The following ADGRL3 variants were observed in gnomAD, a reference collection of about 807,000 sequenced individuals.
ADGRL3 encodes adhesion G protein-coupled receptor L3.
In ADGRL3, 62 loss-of-function variants were observed where a neutral mutation model predicts 153.5. The ratio of observed to expected loss-of-function variants is 0.40; its 90% CI spans 0.33 to 0.50. The LOEUF (loss-of-function observed/expected upper bound fraction) is 0.50. Among genes scored for constraint, ADGRL3 ranks in the 20% least tolerant of loss-of-function variants. ADGRL3 has a pLI of 0.47. For synonymous variants in ADGRL3, 710 were observed against 672.5 expected, an observed-to-expected ratio of 1.06 and a Z score of -0.86; for missense variants, 1,641 against 1,859.4, an observed-to-expected ratio of 0.88 and a Z score of 2.16.
intron 5 of ADGRL3, among the ~76,000 whole-genome samples, chr4:61,651,594 G>GTTTTGT (rs1311490881): frequency 9.2e-5 from 14 of 151,556 alleles, no homozygotes; most frequent in Admixed American, 9.2e-4. Flanking sequence ...TTGTGTGTTT[G>GTTTTGT]TTTTGTTTTT....
intron 4 of ADGRL3, among the ~76,000 whole-genome samples, chr4:61,556,857 G>GT (rs1456776686): frequency 6.6e-6 from 1 of 152,118 alleles, no homozygotes. Flanking sequence ...TTTTTACAGT[G>GT]TGTTAACACA....
At chr4:61,326,703 GGAAAATTTAA>G (rs1389465435) in intron 1 of ADGRL3, among the ~76,000 whole-genome samples, 6 of 150,874 alleles carry the variant, frequency 4.0e-5, no homozygotes, top group Admixed American at 2.7e-4. Flanking sequence ...AATTTTTGTT[GGAAAATTTAA>G]AATTTCCCTT....
intron 2 of ADGRL3, among the ~76,000 whole-genome samples, chr4:61,408,573 G>A (rs2152233141): frequency 6.6e-6 from 1 of 152,106 alleles, no homozygotes; most frequent in Middle Eastern, 3.4e-3. Flanking sequence ...CTGGACTGTA[G>A]CCTGGTTTTC....
rs1454883010 is a variant in ADGRL3 at position 62,074,624 on chromosome 4, A to G, written c.*3716A>G. The G allele has an allele frequency of 1.3e-5, 2 of 152,202 alleles. No homozygotes were observed. Among genetic ancestry groups the G allele is most frequent in the Non-Finnish European group, 2.9e-5 (2 of 68,034 alleles). 9.4% of individuals were successfully genotyped at this position (152,202 alleles called of 1,614,324 possible). A position where few individuals can be genotyped will look rare whatever the true frequency, so the allele number is the denominator to read the frequency against. On this transcript the variant is annotated 3_prime_UTR_variant, in exon 27 of 27. Coordinates refer to ENST00000683033, the MANE Select transcript of ADGRL3 (RefSeq NM_001387552.1). ...TGTAATAACAAAAATGAACTGACAG[A>G]ACAATTATCTTGAAGTAACAATAAT...
chr4:61,852,012 A>G (rs2098210532), intron 9 of ADGRL3, among the ~76,000 whole-genome samples: 1 of 152,182 alleles, frequency 6.6e-6, no homozygotes, highest in African/African-American at 2.4e-5. Flanking sequence ...GTTAGTGTCT[A>G]AGTAATTCCA....
intron 21 of ADGRL3, among the ~76,000 whole-genome samples, chr4:62,016,344 T>G (rs183806804): frequency 1.3e-5 from 2 of 151,854 alleles, no homozygotes; most frequent in East Asian, 1.9e-4. Flanking sequence ...ACCACGCCCG[T>G]CCTTTTATTT....
Position 61,497,135 on chromosome 4 carries a change from A to T in ADGRL3, c.-159A>T. On this transcript the variant is annotated 5_prime_UTR_variant, in exon 3 of 27. Transcript: ENST00000683033. ...CTTTTTTGCAGGTTTCAGATTTGGG[A>T]TATTGGTGTTTCTGTTTTGGAGAAA... is the stretch of plus-strand genomic sequence containing the variant. 6 of 557,874 alleles carry T rather than the reference A, an allele frequency of 1.1e-5. No homozygotes were observed. Among genetic ancestry groups the T allele is most frequent in the South Asian group, 4.7e-5 (2 of 42,840 alleles). 34.6% of individuals were successfully genotyped at this position (557,874 alleles called of 1,614,324 possible). A position where few individuals can be genotyped will look rare whatever the true frequency, so the allele number is the denominator to read the frequency against.
chr4:61,482,837 T>C (rs1193512568), intron 2 of ADGRL3, among the ~76,000 whole-genome samples: 1 of 152,222 alleles, frequency 6.6e-6, no homozygotes, highest in Non-Finnish European at 1.5e-5. Flanking sequence ...GTTTTCTGTA[T>C]TTCAGGTGCA....
At chr4:61,992,291 C>T (rs1217986539) in intron 19 of ADGRL3, among the ~76,000 whole-genome samples, 1 of 152,050 alleles carries the variant, frequency 6.6e-6, no homozygotes, top group African/African-American at 2.4e-5. Context: ...GTGTTTTTAC[C>T]TTGTATCTAA....
intron 4 of ADGRL3, among the ~76,000 whole-genome samples, chr4:61,521,571 A>G (rs1250869560): frequency 6.6e-6 from 1 of 152,162 alleles, no homozygotes; most frequent in Admixed American, 6.5e-5. Context: ...GATAGATAAG[A>G]AATAGACGAG....
rs549077807 is a variant in ADGRL3, at chr4:61,635,248, A to G, written c.474-41578A>G. On this transcript the variant is annotated intron_variant, in intron 5 of 26. Transcript: ENST00000683033. ...AAAGAAGAGCTGAGACTTCACTTGCAGAGTGCTAAAGCCTGAGAGCAATGG... is the reference window on the plus strand; with the variant it reads ...AAAGAAGAGCTGAGACTTCACTTGCGGAGTGCTAAAGCCTGAGAGCAATGG... Among the ~76,000 whole-genome samples the G allele has an allele frequency of 2.8e-4, 43 of 152,288 alleles. 1 individual carries two copies. The South Asian group carries it at 8.3e-3, about 29-fold the overall frequency.
chr4:61,653,632 T>A (rs1281885188), intron 5 of ADGRL3, among the ~76,000 whole-genome samples: 1 of 152,224 alleles, frequency 6.6e-6, no homozygotes, highest in Non-Finnish European at 1.5e-5. Context: ...GTCCTTTGTA[T>A]TGGGCTTCAT....
rs553464086 is a variant in ADGRL3, at chr4:61,670,297, T to A, written c.474-6529T>A. On this transcript the variant is annotated intron_variant, in intron 5 of 26. Coordinates refer to ENST00000683033, the MANE Select transcript of ADGRL3 (RefSeq NM_001387552.1). ...GACAGAGCAAGACTTCTCTCAAAAA[T>A]ATATATATATATTATTTTAATGATA... Among the ~76,000 whole-genome samples the A allele has an allele frequency of 7.3e-5, 11 of 151,588 alleles. No homozygotes were observed. The East Asian group carries it at 9.7e-4, about 13-fold the overall frequency.
At chr4:62,008,193 TGTA>T (rs1304080565) in intron 21 of ADGRL3, among the ~76,000 whole-genome samples, 1 of 152,046 alleles carries the variant, frequency 6.6e-6, no homozygotes, top group Non-Finnish European at 1.5e-5. Flanking sequence ...AGCTGAGAAA[TGTA>T]GTAGTGGACA....
At chr4:61,794,231 T>C (rs1580857147) in intron 8 of ADGRL3, among the ~76,000 whole-genome samples, 1 of 152,226 alleles carries the variant, frequency 6.6e-6, no homozygotes, top group Non-Finnish European at 1.5e-5. Flanking sequence ...TTTCTTCTAC[T>C]TATAATTTCA....
chr4:61,547,910 G>A (rs2098721477), intron 4 of ADGRL3, among the ~76,000 whole-genome samples: 2 of 151,964 alleles, frequency 1.3e-5, no homozygotes, highest in East Asian at 3.9e-4. Context: ...AACCTCCCCA[G>A]CATGTGTTAT....
intron 9 of ADGRL3, among the ~76,000 whole-genome samples, chr4:61,865,625 T>A (rs916694515): frequency 2.6e-5 from 4 of 152,310 alleles, no homozygotes; most frequent in African/African-American, 9.6e-5. Context: ...TTTCTGAACT[T>A]CATTTAAAGT....
At chr4:61,886,335 T>C (rs1257266677) in intron 9 of ADGRL3, among the ~76,000 whole-genome samples, 1 of 152,188 alleles carries the variant, frequency 6.6e-6, no homozygotes, top group East Asian at 1.9e-4. Context: ...TTGTTATGGT[T>C]TCAGTTTTCT....
At chr4:61,949,730 GT>G (rs2098939935) in intron 17 of ADGRL3, among the ~76,000 whole-genome samples, 1 of 151,818 alleles carries the variant, frequency 6.6e-6, no homozygotes, top group South Asian at 2.1e-4. Context: ...TAACTTCATA[GT>G]TTTTTAAAAT....
Sources: gnomAD v4.1 joint callset for allele counts (sites outside exome capture counted in the v4.1 genomes callset) on GRCh38, gnomAD v4.1.1 for gene constraint, MANE v1.5 for transcripts, NCBI Gene and HGNC (gene_info 2026-07-23, HGNC 2026-07-21) for gene names.